The following LMF1 variants were observed in gnomAD, a reference collection of about 807,000 sequenced individuals.
The protein encoded by LMF1 is transmembrane protein 112.
In LMF1, 68 loss-of-function variants were observed where a neutral mutation model predicts 60.6. The ratio of observed to expected loss-of-function variants is 1.12; its 90% CI spans 0.92 to 1.37. The LOEUF is 1.37. Ranked by LOEUF, LMF1 falls within the 40% of genes most tolerant of loss-of-function variation. The pLI is 0.00. For synonymous variants in LMF1, 418 were observed against 324.7 expected, an observed-to-expected ratio of 1.29 and a Z score of -3.09; for missense variants, 948 against 767.2, an observed-to-expected ratio of 1.24 and a Z score of -2.78.
At chr16:915,294 G>A (rs1047267641) in intron 3 of LMF1, among the ~76,000 whole-genome samples, 3 of 152,226 alleles carry the variant, frequency 2.0e-5, no homozygotes, top group South Asian at 2.1e-4. Flanking sequence ...CAGGATGGGG[G>A]CAGAGGGCAG....
chr16:929,698 T>C (rs1163463541), intron 3 of LMF1, among the ~76,000 whole-genome samples: 2 of 152,348 alleles, frequency 1.3e-5, no homozygotes, highest in Non-Finnish European at 1.5e-5. Flanking sequence ...GTTACCAAAC[T>C]CAGCAGCCCT....
intron 4 of LMF1, among the ~76,000 whole-genome samples, chr16:895,481 G>A (rs1351492211): frequency 3.3e-5 from 5 of 152,364 alleles, no homozygotes; most frequent in African/African-American, 4.8e-5. Flanking sequence ...GCCGGGGCCA[G>A]GCAGGACGGG....
intron 1 of LMF1, among the ~76,000 whole-genome samples, chr16:964,964 G>C (rs1315414808): frequency 1.3e-5 from 2 of 152,226 alleles, no homozygotes; most frequent in African/African-American, 4.8e-5. Context: ...AGTGCGGCAC[G>C]CATGCCTCCA....
chr16:925,227 C>T (rs2071560735), intron 3 of LMF1, among the ~76,000 whole-genome samples: 1 of 152,202 alleles, frequency 6.6e-6, no homozygotes. Context: ...ATTAAAAAGC[C>T]ACGTTGAAGA....
chr16:978,241 T>C (rs2073231572), intron 1 of LMF1, among the ~76,000 whole-genome samples: 1 of 145,792 alleles, frequency 6.9e-6, no homozygotes, highest in Non-Finnish European at 1.5e-5. Flanking sequence ...ATACACACCA[T>C]ACGCACTATA....
intron 2 of LMF1, 187 bp downstream of exon 2, chr16:954,170 G>T: frequency 1.4e-6 from 1 of 715,592 alleles, no homozygotes; most frequent in Middle Eastern, 2.3e-4. Context: ...TTTTAATCCT[G>T]AAGATGGGTG....
chr16:871,050 GCTGACTCTCCTCCTACC>G, intron 7 of LMF1, 94 bp downstream of exon 7: 1 of 1,398,332 alleles, frequency 7.2e-7, no homozygotes. Flanking sequence ...TGCGGACGGC[GCTGACTCTCCTCCTACC>G]CTGGCGTCCC....
chr16:904,842 G>A (rs2070931338), intron 4 of LMF1: 1 of 88,678 alleles, frequency 1.1e-5, no homozygotes, highest in Non-Finnish European at 2.0e-5. Flanking sequence ...CTGCTGCGTG[G>A]TGGTGACCTC....
chr16:893,369 C>A, intron 4 of LMF1: 1 of 525,748 alleles, frequency 1.9e-6, no homozygotes, highest in South Asian at 1.5e-5. Context: ...CATCACGCTA[C>A]AGAAGTTGCG....
intron 3 of LMF1, among the ~76,000 whole-genome samples, chr16:921,952 G>A (rs971050330): frequency 3.9e-5 from 6 of 152,170 alleles, no homozygotes; most frequent in Non-Finnish European, 5.9e-5. Flanking sequence ...AGGCTTAGCC[G>A]CTGAGAGGTG....
intron 1 of LMF1, among the ~76,000 whole-genome samples, chr16:954,895 A>C (rs2072635231): frequency 6.8e-6 from 1 of 147,176 alleles, no homozygotes; most frequent in East Asian, 2.0e-4. Context: ...ACACGCATAC[A>C]CATCTAAGTG....
chr16:972,854 T>C (rs2073076412), upstream of LMF1, among the ~76,000 whole-genome samples: 1 of 152,208 alleles, frequency 6.6e-6, no homozygotes, highest in Non-Finnish European at 1.5e-5. Flanking sequence ...TGCTGGGAGC[T>C]CCTGTTCTCT....
chr16:939,521 G>A (rs1034477013), intron 2 of LMF1, among the ~76,000 whole-genome samples: 4 of 152,356 alleles, frequency 2.6e-5, no homozygotes, highest in East Asian at 3.9e-4. Context: ...GCCGAGCAGC[G>A]GAGGTCCAGA....
chr16:970,948 G>T lies in LMF1; in HGVS notation c.33C>A (p.Pro11=). 6.5e-7 allele frequency: 1 copy of T among 1,542,664 alleles called. No individual in the cohort carries two copies. The highest frequency in any genetic ancestry group is 2.5e-5 in the East Asian group (1 of 39,470). Residue 11 remains proline (P), a synonymous_variant, in exon 1 of 11, where the codon CCC becomes CCA. Transcript: ENST00000262301. Reference sequence around the variant, plus strand: ...TCTTCCGCCTCCTCAGCGACTCCGCGGGCGCCGCCATTGTTGGGCTGTCAG... The same window carrying T: ...TCTTCCGCCTCCTCAGCGACTCCGCTGGCGCCGCCATTGTTGGGCTGTCAG... MRPDSPTMAA[P]AESLRRRKTG... is the part of the protein sequence containing the mutation.
At chr16:965,196 G>A (rs2072899878) in intron 1 of LMF1, among the ~76,000 whole-genome samples, 1 of 152,232 alleles carries the variant, frequency 6.6e-6, no homozygotes, top group African/African-American at 2.4e-5. Flanking sequence ...TTGGCTCCTA[G>A]GGCCTCGCGG....
At chr16:899,135 C>T (rs1035450206) in intron 4 of LMF1, 1 of 152,248 alleles carries the variant, frequency 6.6e-6, no homozygotes, top group African/African-American at 2.4e-5. Flanking sequence ...ATCTGAGACA[C>T]CCTCGCCCTG....
At chr16:886,647 G>A (rs1346607035) in intron 5 of LMF1, among the ~76,000 whole-genome samples, 4 of 114 alleles carry the variant, frequency 0.035, no homozygotes, top group African/African-American at 0.5. Context: ...GGCCCCCGGC[G>A]TTCCCCAGGC....
At chr16:875,759 G>A (rs1282620069) in intron 6 of LMF1, among the ~76,000 whole-genome samples, 1 of 152,118 alleles carries the variant, frequency 6.6e-6, no homozygotes, top group Admixed American at 6.5e-5. Flanking sequence ...AACCAGACCC[G>A]AGCCTGGCGT....
intron 2 of LMF1, among the ~76,000 whole-genome samples, chr16:942,089 G>C (rs1413027875): frequency 6.6e-6 from 1 of 152,106 alleles, no homozygotes; most frequent in Admixed American, 6.5e-5. Flanking sequence ...CATTTCTATA[G>C]TGTGTCTGCT....
Sources: gnomAD v4.1 joint callset for allele counts (sites outside exome capture counted in the v4.1 genomes callset) on GRCh38, gnomAD v4.1.1 for gene constraint, MANE v1.5 for transcripts, NCBI Gene and HGNC (gene_info 2026-07-23, HGNC 2026-07-21) for gene names.